The following LRRC69 variants were observed in gnomAD, a reference collection of about 807,000 sequenced individuals.
LRRC69 encodes the protein leucine rich repeat containing 69, also known as leucine-rich repeat-containing protein 69.
In LRRC69, 42 loss-of-function variants were observed where a neutral mutation model predicts 37.8. The observed-to-expected ratio is 1.11, with a 90% CI of 0.87 to 1.44. The LOEUF is 1.44. Among genes scored for constraint, LRRC69 ranks in the 40% most tolerant of loss-of-function variants. The probability of loss-of-function intolerance (pLI) is 0.00; values close to 1 mark genes in which losing one functional copy is unlikely to be tolerated. For synonymous variants in LRRC69, 141 were observed against 143.1 expected (o/e 0.99, Z 0.11); for missense variants, 357 against 401.9 (o/e 0.89, Z 0.96).
At chr8:91,175,800 C>T (rs757416363) in intron 5 of LRRC69, among the ~76,000 whole-genome samples, 5 of 124,716 alleles carry the variant, frequency 4.0e-5, no homozygotes, top group African/African-American at 1.3e-4. Flanking sequence ...CTGAGTAAGA[C>T]GTGACACCAC....
At chr8:91,147,859 C>G (rs2130539800) in intron 5 of LRRC69, among the ~76,000 whole-genome samples, 1 of 151,690 alleles carries the variant, frequency 6.6e-6, no homozygotes, top group South Asian at 2.1e-4. Context: ...GATTTTCTCC[C>G]CACCTGGCCC....
chr8:91,214,135 G>A (rs1809992771), intron 7 of LRRC69, among the ~76,000 whole-genome samples: 2 of 152,096 alleles, frequency 1.3e-5, no homozygotes, highest in Admixed American at 1.3e-4. Context: ...TTCCTACTGT[G>A]GGTGTAAGGT....
intron 2 of LRRC69, 40 bp from the exon 3 acceptor site, chr8:91,127,048 C>CT: frequency 6.9e-7 from 1 of 1,452,574 alleles, no homozygotes; most frequent in Non-Finnish European, 9.4e-7. Flanking sequence ...TAAAAATTAT[C>CT]TAACAGATGG....
intron 5 of LRRC69, among the ~76,000 whole-genome samples, chr8:91,160,374 T>C (rs1808918011): frequency 1.3e-5 from 2 of 150,992 alleles, no homozygotes; most frequent in South Asian, 4.2e-4. Context: ...CTTAATTTCA[T>C]TCCTTACTAT....
At chr8:91,193,963 C>T (rs1809548195) in intron 6 of LRRC69, among the ~76,000 whole-genome samples, 1 of 136,108 alleles carries the variant, frequency 7.3e-6, no homozygotes, top group South Asian at 2.7e-4. Context: ...TTTGCCCATT[C>T]AGTATGATAT....
chr8:91,146,931 T>G (rs553871758), intron 5 of LRRC69, among the ~76,000 whole-genome samples: 1 of 151,624 alleles, frequency 6.6e-6, no homozygotes, highest in African/African-American at 2.4e-5. Flanking sequence ...CTAAATGTTC[T>G]GTAATGCATA....
chr8:91,202,729 G>C (rs1809732689), intron 7 of LRRC69, among the ~76,000 whole-genome samples: 1 of 152,162 alleles, frequency 6.6e-6, no homozygotes, highest in Non-Finnish European at 1.5e-5. Context: ...TTTACATTAG[G>C]AATTTGGCTT....
chr8:91,197,520 G>GC (rs1809631924), intron 6 of LRRC69, among the ~76,000 whole-genome samples: 2 of 152,130 alleles, frequency 1.3e-5, no homozygotes. Context: ...GACCCTCCGA[G>GC]CCAGGTGCGG....
chr8:91,113,972 C>CAAAAAAAAAAAA lies in LRRC69; in HGVS notation c.184-10510_184-10499dup, dbSNP rs34806474. Among the ~76,000 whole-genome samples the CAAAAAAAAAAAA allele has an allele frequency of 1.2e-4, 7 of 60,504 alleles. 1 individual carries two copies. The highest frequency in any genetic ancestry group is 7.6e-5 in the African/African-American group (1 of 13,094). 39.7% of individuals were successfully genotyped at this position (60,504 alleles called of 152,430 possible). On this transcript the variant is annotated intron_variant, in intron 1 of 7. Transcript: ENST00000448384. The stretch of plus-strand genomic sequence containing the variant: ...CTCCACAACATTGCGAGACTTGTCT[C>CAAAAAAAAAAAA]AAAAAAAAAAAAAAAAAAAAAAGGT...
At chr8:91,173,371 C>T (rs1182680273) in intron 5 of LRRC69, among the ~76,000 whole-genome samples, 2 of 150,876 alleles carry the variant, frequency 1.3e-5, no homozygotes, top group African/African-American at 4.8e-5. Flanking sequence ...TCATTTGATA[C>T]TATCTACATG....
chr8:91,161,418 C>T (rs935388796), intron 5 of LRRC69, among the ~76,000 whole-genome samples: 1 of 151,124 alleles, frequency 6.6e-6, no homozygotes, highest in African/African-American at 2.4e-5. Context: ...TTATGCAGTC[C>T]TGGGCTTTTT....
At position 91,112,654 on chromosome 8, in the gene LRRC69, G is replaced by A. The variant is rs79190223; in HGVS notation, c.183+9810G>A. Among the ~76,000 whole-genome samples the A allele has an allele frequency of 7.9e-3, 1,207 of 152,102 alleles. 20 individuals are homozygous for A. The highest frequency in any genetic ancestry group is 0.027 in the African/African-American group (1,137 of 41,556). On this transcript the variant is annotated intron_variant, in intron 1 of 7. Transcript: ENST00000448384. ...CATCATCAGTGGGGAAAAGCTGCAA[G>A]CTTTTTCTGTAATATCTGGTACAAG...
intron 5 of LRRC69, among the ~76,000 whole-genome samples, chr8:91,181,239 G>T (rs1473781291): frequency 2.0e-5 from 3 of 152,150 alleles, no homozygotes; most frequent in Non-Finnish European, 4.4e-5. Context: ...AAAAGATTTA[G>T]AAATAAAGTT....
At chr8:91,114,455 G>GTGTGTGTGTGTATATA (rs142337818) in intron 1 of LRRC69, among the ~76,000 whole-genome samples, 54 of 151,082 alleles carry the variant, frequency 3.6e-4, no homozygotes, top group Middle Eastern at 6.8e-3. Flanking sequence ...GTGTGTGTGT[G>GTGTGTGTGTGTATATA]TATATATATA....
At chr8:91,175,639 A>G (rs893651118) in intron 5 of LRRC69, among the ~76,000 whole-genome samples, 1 of 152,042 alleles carries the variant, frequency 6.6e-6, no homozygotes, top group Non-Finnish European at 1.5e-5. Flanking sequence ...GTAGAATTAT[A>G]TGGTGTAAAA....
chr8:91,124,449 A>G, intron 1 of LRRC69, 44 bp from the exon 2 acceptor site: 1 of 1,413,966 alleles, frequency 7.1e-7, no homozygotes, highest in Non-Finnish European at 9.3e-7. Flanking sequence ...TTTCATTTGA[A>G]GTTGGATGAT....
intron 7 of LRRC69, among the ~76,000 whole-genome samples, chr8:91,208,832 G>T (rs1436765524): frequency 6.6e-6 from 1 of 152,138 alleles, no homozygotes; most frequent in Admixed American, 6.5e-5. Flanking sequence ...GAAGCTCCGT[G>T]GTAGTGTCTA....
chr8:91,135,422 T>C (rs1586237812), intron 4 of LRRC69, among the ~76,000 whole-genome samples: 1 of 151,970 alleles, frequency 6.6e-6, no homozygotes, highest in Admixed American at 6.6e-5. Context: ...TCAACCTAGA[T>C]GTAGTGTAAC....
intron 7 of LRRC69, among the ~76,000 whole-genome samples, chr8:91,207,977 G>A (rs1414350725): frequency 1.3e-5 from 2 of 152,096 alleles, no homozygotes; most frequent in South Asian, 2.1e-4. Context: ...CTCTCTTTTC[G>A]GCCTCTACAT....
Sources: allele counts gnomAD v4.1 joint callset (sites outside exome capture counted in the v4.1 genomes callset), GRCh38; gene constraint gnomAD v4.1.1; transcripts MANE v1.5; gene names NCBI Gene and HGNC (gene_info 2026-07-23, HGNC 2026-07-21).